Variants in CLVS1 observed in about 807,000 individuals in gnomAD.
The protein encoded by CLVS1 is clavesin 1.
In CLVS1, 10 loss-of-function variants were observed where a neutral mutation model predicts 33.1. The ratio of observed to expected loss-of-function variants is 0.30; its 90% CI spans 0.19 to 0.51. CLVS1 has a LOEUF of 0.51. Ranked by LOEUF, CLVS1 falls within the 20% of genes least tolerant of loss-of-function variation. CLVS1 has a pLI of 0.97. For missense variants in CLVS1, 343 were observed against 433.4 expected, an observed-to-expected ratio of 0.79 and a Z score of 1.85; for synonymous variants, 163 against 166.1, an observed-to-expected ratio of 0.98 and a Z score of 0.14.
the CLVS1 span, among the ~76,000 whole-genome samples, chr8:61,038,450 T>C: frequency 2.0e-5 from 3 of 147,280 alleles, no homozygotes; most frequent in Non-Finnish European, 4.5e-5. Flanking sequence ...TATATATATA[T>C]ATATATGACA....
At position 61,217,795 on chromosome 8, in the gene CLVS1, T is replaced by C. The variant is rs568695191; in HGVS notation, c.-151-81882T>C. ...TTAATATCCAGAATATACAAGGAACTCAAACATCTCAACAGCAAAAAACCC... is the reference window on the plus strand; with the variant it reads ...TTAATATCCAGAATATACAAGGAACCCAAACATCTCAACAGCAAAAAACCC... On this transcript the variant is annotated intron_variant, in intron 2 of 2. Transcript: ENST00000522621. Among the ~76,000 whole-genome samples the C allele has an allele frequency of 1.1e-4, 16 of 152,206 alleles. No individual in the cohort carries two copies. The South Asian group carries it at 3.1e-3, about 30-fold the overall frequency.
At chr8:61,473,657 T>C (rs1563568980) in intron 5 of CLVS1, among the ~76,000 whole-genome samples, 1 of 152,196 alleles carries the variant, frequency 6.6e-6, no homozygotes, top group Non-Finnish European at 1.5e-5. Context: ...ATTGGAGTGC[T>C]GAGCGTGGAG....
rs938913582 is a variant in CLVS1, at chr8:61,392,040, A to G, written c.630+15261A>G. 4.6e-5 allele frequency among the ~76,000 whole-genome samples: 7 copies of G among 152,312 alleles called. No individual in the cohort carries two copies. The South Asian group carries it at 1.2e-3, about 27-fold the overall frequency. On this transcript the variant is annotated intron_variant, in intron 3 of 5. Transcript: ENST00000325897. The stretch of plus-strand genomic sequence containing the variant: ...AATGCTTGCATTTCTTTAAGTTTAT[A>G]TAATAACTCCATTAGCCCAAGTATA...
At chr8:61,154,279 C>T (rs1288869589) in intron 2 of CLVS1, among the ~76,000 whole-genome samples, 1 of 151,638 alleles carries the variant, frequency 6.6e-6, no homozygotes, top group African/African-American at 2.4e-5. Context: ...GGCAGGCAGA[C>T]GTTGATTTTT....
intron 2 of CLVS1, among the ~76,000 whole-genome samples, chr8:61,368,249 A>T (rs1461126613): frequency 6.6e-6 from 1 of 152,264 alleles, no homozygotes; most frequent in Non-Finnish European, 1.5e-5. Context: ...AAATGAAAAA[A>T]TATCCAGGCA....
the CLVS1 span, among the ~76,000 whole-genome samples, chr8:60,995,518 G>A: frequency 6.6e-6 from 1 of 152,230 alleles, no homozygotes; most frequent in Non-Finnish European, 1.5e-5. Flanking sequence ...AACAACAGGT[G>A]CTGGAGAGGG....
At chr8:61,478,007 G>C (rs1818021163) in intron 5 of CLVS1, among the ~76,000 whole-genome samples, 2 of 152,130 alleles carry the variant, frequency 1.3e-5, no homozygotes, top group Non-Finnish European at 1.5e-5. Context: ...TGAGATTCTG[G>C]TGTGTTATGT....
intron 2 of CLVS1, among the ~76,000 whole-genome samples, chr8:61,156,506 C>G (rs1396090210): frequency 1.3e-5 from 2 of 152,094 alleles, no homozygotes; most frequent in Non-Finnish European, 2.9e-5. Flanking sequence ...TCCGAACTTT[C>G]CTATACAAGA....
chr8:61,452,466 A>T (rs773543660), intron 3 of CLVS1, among the ~76,000 whole-genome samples: 1 of 152,202 alleles, frequency 6.6e-6, no homozygotes, highest in Non-Finnish European at 1.5e-5. Context: ...ACTTCTAAAT[A>T]AGAAGTTAAA....
chr8:60,988,220 C>T, the CLVS1 span, among the ~76,000 whole-genome samples: 4 of 152,144 alleles, frequency 2.6e-5, no homozygotes, highest in South Asian at 6.2e-4. Context: ...AAAAAAGGAC[C>T]CTGTAGAGAC....
At chr8:61,010,886 AGCAGC>A in the CLVS1 span, among the ~76,000 whole-genome samples, 8 of 152,214 alleles carry the variant, frequency 5.3e-5, no homozygotes, top group African/African-American at 1.9e-4. Flanking sequence ...CTATGTGAGA[AGCAGC>A]GCAGCGCCTG....
At chr8:61,057,253 T>C (rs1282508373) in intron 1 of CLVS1, 1 of 152,214 alleles carries the variant, frequency 6.6e-6, no homozygotes, top group African/African-American at 2.4e-5. Flanking sequence ...AGCTAACCTC[T>C]GGCATTTTCT....
chr8:61,203,098 A>G (rs1807771279), intron 2 of CLVS1: 5 of 1,276,084 alleles, frequency 3.9e-6, no homozygotes, highest in Non-Finnish European at 5.6e-6. Context: ...CAAAAATGCA[A>G]GCAAGTATAG....
At chr8:61,077,757 A>G (rs1279124646) in intron 1 of CLVS1, among the ~76,000 whole-genome samples, 1 of 152,172 alleles carries the variant, frequency 6.6e-6, no homozygotes, top group Non-Finnish European at 1.5e-5. Context: ...GAAGAGAAAG[A>G]GAGGAAATGC....
chr8:61,372,176 A>G (rs1409032618), intron 2 of CLVS1, among the ~76,000 whole-genome samples: 2 of 152,132 alleles, frequency 1.3e-5, no homozygotes, highest in Non-Finnish European at 2.9e-5. Flanking sequence ...AGGCAATAAA[A>G]TAAATCAAAA....
intron 2 of CLVS1, among the ~76,000 whole-genome samples, chr8:61,266,088 A>G (rs1325483258): frequency 1.3e-5 from 2 of 152,112 alleles, no homozygotes; most frequent in Admixed American, 6.5e-5. Flanking sequence ...TTTTGTTGCT[A>G]TGTCCTGACA....
At chr8:61,246,670 TA>T (rs539396715) in intron 2 of CLVS1, among the ~76,000 whole-genome samples, 8 of 152,140 alleles carry the variant, frequency 5.3e-5, no homozygotes, top group Non-Finnish European at 7.4e-5. Flanking sequence ...CTTAGTGTCT[TA>T]AAAAAATTCT....
intron 2 of CLVS1, among the ~76,000 whole-genome samples, chr8:61,330,453 T>C (rs1811551690): frequency 6.6e-6 from 1 of 152,196 alleles, no homozygotes; most frequent in South Asian, 2.1e-4. Context: ...TTGGATAGCA[T>C]GGGCTGCAGG....
At chr8:61,425,582 A>C (rs28736446) in intron 3 of CLVS1, among the ~76,000 whole-genome samples, 8,609 of 152,214 alleles carry the variant, frequency 0.057, 623 homozygotes, top group African/African-American at 0.17. Context: ...CAGTAAGAAA[A>C]CCTGTGACCA....
Sources: allele counts gnomAD v4.1 joint callset (sites outside exome capture counted in the v4.1 genomes callset), GRCh38; gene constraint gnomAD v4.1.1; transcripts MANE v1.5; gene names NCBI Gene and HGNC (gene_info 2026-07-23, HGNC 2026-07-21).